NRXN2: variants seen among roughly 807,000 people sequenced by gnomAD.
NRXN2 encodes neurexin 2.
In NRXN2, 29 loss-of-function variants were observed where a neutral mutation model predicts 128.8. The ratio of observed to expected loss-of-function variants is 0.23; its 90% confidence interval spans 0.17 to 0.31. The LOEUF is 0.31. Ranked by LOEUF, NRXN2 falls within the 10% of genes least tolerant of loss-of-function variation. NRXN2 has a pLI of 1.00. For synonymous variants in NRXN2, 1,098 were observed against 1,075.2 expected, an observed-to-expected ratio of 1.02 and a Z score of -0.41; for missense variants, 1,881 against 2,452.6, an observed-to-expected ratio of 0.77 and a Z score of 4.92.
rs1452754180 is a variant in NRXN2, at chr11:64,648,145, C to T, written c.3403+74G>A. 5 of 1,605,496 alleles carry T rather than the reference C, an allele frequency of 3.1e-6. No individual in the cohort carries two copies. The African/African-American group carries it at 4.0e-5, about 13-fold the overall frequency. On this transcript the variant is annotated intron_variant, in intron 17 of 22. Coordinates refer to ENST00000265459, the MANE Select transcript of NRXN2 (RefSeq NM_015080.4). The surrounding 1 kb of genome is among the most constrained non-coding windows in gnomAD (Gnocchi z 4.1). The stretch of plus-strand genomic sequence containing the variant: ...CCTGAATGCTCAGAGGCCCTGTTTC[C>T]TCCCTGGCAGCCCCTATGGCTGGGA...
At chr11:64,694,910 G>C (rs189964266) in intron 3 of NRXN2, among the ~76,000 whole-genome samples, 1 of 152,020 alleles carries the variant, frequency 6.6e-6, no homozygotes, top group East Asian at 1.9e-4. Context: ...CCACAGGCCT[G>C]ACTGCTGCTG....
intron 5 of NRXN2, among the ~76,000 whole-genome samples, 199 bp downstream of exon 5, chr11:64,690,206 T>C (rs1399722231): frequency 6.6e-6 from 1 of 152,172 alleles, no homozygotes; most frequent in East Asian, 1.9e-4. Flanking sequence ...GCGAAAGAAA[T>C]GGAGGTTTGT....
chr11:64,612,226 G>T (rs1482445891), intron 22 of NRXN2, among the ~76,000 whole-genome samples: 1 of 152,092 alleles, frequency 6.6e-6, no homozygotes, highest in Non-Finnish European at 1.5e-5. Flanking sequence ...GCTCCTCAAA[G>T]ACTCCTCCCT....
At chr11:64,627,203 A>G (rs929495619) in intron 19 of NRXN2, among the ~76,000 whole-genome samples, 1 of 151,406 alleles carries the variant, frequency 6.6e-6, no homozygotes, top group Non-Finnish European at 1.5e-5. Flanking sequence ...ACCCCCCTTA[A>G]GCCCCTCCCG....
intron 11 of NRXN2, 25 bp from the exon 12 acceptor site, chr11:64,653,747 A>C (rs1278389008): frequency 4.1e-6 from 6 of 1,480,980 alleles, no homozygotes; most frequent in Middle Eastern, 1.8e-4. Flanking sequence ...GGGCGGGCAG[A>C]GGGGAAGGGG....
chr11:64,655,291 A>C (rs961269337), intron 11 of NRXN2, among the ~76,000 whole-genome samples: 4 of 152,202 alleles, frequency 2.6e-5, no homozygotes, highest in African/African-American at 9.7e-5. Flanking sequence ...GGAGCAGAGG[A>C]GCAGAAAAAG....
intron 2 of NRXN2, among the ~76,000 whole-genome samples, chr11:64,711,271 G>C (rs563595797): frequency 1.3e-5 from 2 of 152,310 alleles, no homozygotes; most frequent in East Asian, 3.9e-4. Flanking sequence ...ACTCTGGGGG[G>C]ACGGACACAC....
intron 7 of NRXN2, among the ~76,000 whole-genome samples, chr11:64,670,067 T>C (rs988140632): frequency 6.6e-6 from 1 of 151,906 alleles, no homozygotes; most frequent in Non-Finnish European, 1.5e-5. Context: ...TGAGCAGAAC[T>C]GGGGTAAGGG....
intron 2 of NRXN2, among the ~76,000 whole-genome samples, chr11:64,710,720 T>C (rs945041350): frequency 6.6e-6 from 1 of 152,160 alleles, no homozygotes; most frequent in African/African-American, 2.4e-5. Flanking sequence ...AATCCGGCTG[T>C]CTTACTGAGG....
At chr11:64,720,497 G>A (rs1038730489) in intron 1 of NRXN2, among the ~76,000 whole-genome samples, 1 of 152,180 alleles carries the variant, frequency 6.6e-6, no homozygotes, top group Non-Finnish European at 1.5e-5. Flanking sequence ...AAATGGGAAG[G>A]CTCCCAGGGA....
chr11:64,613,128 G>A (rs2040930957), intron 22 of NRXN2, among the ~76,000 whole-genome samples: 1 of 152,206 alleles, frequency 6.6e-6, no homozygotes, highest in South Asian at 2.1e-4. Flanking sequence ...GAAAAAAACG[G>A]TACATTGTGG....
rs1016683734 is a variant in NRXN2 at position 64,606,990 on chromosome 11, G to C, written c.*206C>G. On this transcript the variant is annotated 3_prime_UTR_variant, in exon 23 of 23. Transcript: ENST00000265459. ...AGAGCTGAGAGGGACAGTCAGCCCCGGGACTGACGAGGCCGCGCAGTGGAC... is the reference window on the plus strand; with the variant it reads ...AGAGCTGAGAGGGACAGTCAGCCCCCGGACTGACGAGGCCGCGCAGTGGAC... The C allele has an allele frequency of 6.7e-6, 4 of 595,228 alleles. No homozygotes were observed. Among genetic ancestry groups the C allele is most frequent in the Non-Finnish European group, 1.2e-5 (4 of 337,900 alleles). The allele number at this position is 595,228 out of a possible 1,614,324, so 36.9% of individuals were successfully genotyped here. A position where few individuals can be genotyped will look rare whatever the true frequency, so the allele number is the denominator to read the frequency against.
At chr11:64,716,690 G>A (rs575726244) in intron 1 of NRXN2, among the ~76,000 whole-genome samples, 32 of 152,134 alleles carry the variant, frequency 2.1e-4, no homozygotes, top group Non-Finnish European at 4.1e-4. Flanking sequence ...CATTCTTCCC[G>A]CAGCCCACAG....
rs1177561377 is a variant in NRXN2 at position 64,650,536 on chromosome 11, G to A, written c.3021C>T (p.Ser1007=). 1 of 1,614,054 alleles carries A rather than the reference G, an allele frequency of 6.2e-7. No homozygotes were observed. The highest frequency in any genetic ancestry group is 8.5e-7 in the Non-Finnish European group (1 of 1,180,044). Residue 1007 remains serine (S), a synonymous_variant, in exon 15 of 23, where the codon TCC becomes TCT. Coordinates refer to ENST00000265459, the MANE Select transcript of NRXN2 (RefSeq NM_015080.4). The part of the protein sequence containing the change: ...NDNQWHNVVV[S]RDPGNVHTLK... ...GCGTGTGCACGTTGCCTGGGTCCCTGGACACCACCACGTTGTGCCACTGGT... is the reference window on the plus strand; with the variant it reads ...GCGTGTGCACGTTGCCTGGGTCCCTAGACACCACCACGTTGTGCCACTGGT...
chr11:64,697,712 C>T, intron 3 of NRXN2, 63 bp downstream of exon 3: 1 of 1,599,032 alleles, frequency 6.3e-7, no homozygotes, highest in South Asian at 1.1e-5. Flanking sequence ...CAACGACAGT[C>T]CCTCATGTAG....
chr11:64,624,464 G>A (rs532724834), intron 20 of NRXN2, among the ~76,000 whole-genome samples: 2 of 152,342 alleles, frequency 1.3e-5, no homozygotes, highest in South Asian at 4.1e-4. Flanking sequence ...AAGAGGCCAA[G>A]AGGCAGAGGG....
Position 64,630,666 on chromosome 11 carries a change from G to T in NRXN2, c.3586-93C>A. ...CTGTGACCACCACTAGCCCAGCTCC[G>T]CAGCACTTAAGGCACCTTTCCCAGG... is the stretch of plus-strand genomic sequence containing the variant. On this transcript the variant is annotated intron_variant, in intron 18 of 22. Transcript: ENST00000265459. The surrounding 1 kb of genome is among the most constrained non-coding windows in gnomAD (Gnocchi z 4.6). 1 of 1,443,840 alleles carries T rather than the reference G, an allele frequency of 6.9e-7. No homozygotes were observed. Among genetic ancestry groups the T allele is most frequent in the Admixed American group, 1.8e-5 (1 of 54,848 alleles). 89.4% of individuals were successfully genotyped at this position (1,443,840 alleles called of 1,614,324 possible).
chr11:64,624,535 C>T (rs1387676966), intron 20 of NRXN2, among the ~76,000 whole-genome samples: 1 of 152,220 alleles, frequency 6.6e-6, no homozygotes, highest in Non-Finnish European at 1.5e-5. Flanking sequence ...CCCAGGAAGA[C>T]CTCTGCATCA....
At position 64,677,035 on chromosome 11, in the gene NRXN2, G is replaced by A. The variant is rs34331261; in HGVS notation, c.1155C>T (p.His385=). The A allele has an allele frequency of 1.1e-4, 167 of 1,540,160 alleles. No homozygotes were observed. Among genetic ancestry groups the A allele is most frequent in the Admixed American group, 1.6e-4 (9 of 57,446 alleles). ...DVRVTRNLRQ[H]AGIGHAMVNK... The stretch of plus-strand genomic sequence containing the variant: ...TTACCATAGCGTGTCCAATCCCTGC[G>A]TGCTTCACCGGAGATATGGGGGGAT... The change falls in exon 7 of 23, where the codon CAC becomes CAT. Residue 385 remains histidine (H), a splice_region_variant and synonymous_variant. Coordinates refer to ENST00000265459, the MANE Select transcript of NRXN2 (RefSeq NM_015080.4).
Sources: allele counts gnomAD v4.1 joint callset (sites outside exome capture counted in the v4.1 genomes callset), GRCh38; gene constraint gnomAD v4.1.1; non-coding constraint Gnocchi (gnomAD v3.1); transcripts MANE v1.5; gene names NCBI Gene and HGNC (gene_info 2026-07-23, HGNC 2026-07-21).